The following TRPM4 variants were observed in gnomAD, a reference collection of about 807,000 sequenced individuals.
The protein encoded by TRPM4 is calcium-activated non-selective cation channel 1.
TRPM4 carries 124 observed loss-of-function variants against 135.6 expected under a neutral mutation model. The observed-to-expected ratio is 0.91, with a 90% CI of 0.79 to 1.06. The LOEUF is 1.06. Among genes scored for constraint, TRPM4 ranks in the 50% least tolerant of loss-of-function variants. The pLI, the probability that TRPM4 is intolerant of heterozygous loss-of-function variation, is 0.00. For synonymous variants in TRPM4, 745 were observed against 705.6 expected, an observed-to-expected ratio of 1.06 and a Z score of -0.88; for missense variants, 1,658 against 1,671.4, an observed-to-expected ratio of 0.99 and a Z score of 0.14.
chr19:49,158,226 G>T lies in TRPM4; in HGVS notation c.59G>T (p.Cys20Phe). 6.2e-7 allele frequency: 1 copy of T among 1,613,872 alleles called. No homozygotes were observed. Among genetic ancestry groups the T allele is most frequent in the Non-Finnish European group, 8.5e-7 (1 of 1,179,960 alleles). The change falls in exon 2 of 25, where the codon TGC (cysteine) becomes TTC (phenylalanine). Residue 20 changes from cysteine (C) to phenylalanine (F), a missense_variant. Around this residue, in one of 3 missense-constraint regions of TRPM4, gnomAD observed 239 missense variants for 240.1 expected, o/e 1.00. Transcript: ENST00000252826. ...CCCAAGATCTTCAAGAAGAAGACCT[G>T]CACGACGTTCATAGTTGACTCCACA... Reference protein sequence around the residue: ...WIPKIFKKKTCTTFIVDSTDP... With the variant: ...WIPKIFKKKTFTTFIVDSTDP...
intron 9 of TRPM4, among the ~76,000 whole-genome samples, chr19:49,174,531 A>G (rs1967600706): frequency 6.6e-6 from 1 of 151,810 alleles, no homozygotes; most frequent in Non-Finnish European, 1.5e-5. Flanking sequence ...GAGGCTGAGG[A>G]GGGAAGATCG....
rs61258103 is a variant in TRPM4, at chr19:49,182,451, C to CCCAT, written c.1264-80_1264-77dup. 29,169 of 687,382 alleles carry CCCAT rather than the reference C, an allele frequency of 0.042. 461 individuals are homozygous for CCCAT. Among genetic ancestry groups the CCCAT allele is most frequent in the East Asian group, 0.051 (1,819 of 35,982 alleles). The allele number at this position is 687,382 out of a possible 1,614,324, so 42.6% of individuals were successfully genotyped here. A position where few individuals can be genotyped will look rare whatever the true frequency, so the allele number is the denominator to read the frequency against. On this transcript the variant is annotated intron_variant, in intron 10 of 24. Transcript: ENST00000252826. The stretch of plus-strand genomic sequence containing the variant: ...ACCTATCCATTCATCCATCCATCCA[C>CCCAT]CCATCCATCCATCCATCCATCCATC...
chr19:49,208,186 G>A (rs770014611), intron 20 of TRPM4, among the ~76,000 whole-genome samples: 5 of 152,186 alleles, frequency 3.3e-5, no homozygotes, highest in Non-Finnish European at 4.4e-5. Flanking sequence ...GCTGTACAGA[G>A]TGGAACATGA....
intron 2 of TRPM4, among the ~76,000 whole-genome samples, chr19:49,164,094 T>C (rs3760666): frequency 0.31 from 46,687 of 152,066 alleles, 7,315 homozygotes; most frequent in South Asian, 0.4. Flanking sequence ...TTCTGTAAAA[T>C]TGCTCTTAAA....
rs764964013 is a variant in TRPM4 at position 49,211,475 on chromosome 19, C to CT, written c.3641-15dup. On this transcript the variant is annotated intron_variant, in intron 24 of 24. Coordinates refer to ENST00000252826, the MANE Select transcript of TRPM4 (RefSeq NM_017636.4). The surrounding 1 kb of genome is among the most constrained non-coding windows in gnomAD (Gnocchi z 4.8). Reference sequence around the variant, plus strand: ...CTTCCCTGCCAATCACCTGCTCTCTCTTTTCTCTCTTCCCCCAGACTGAGC... The same window carrying CT: ...CTTCCCTGCCAATCACCTGCTCTCTCTTTTTCTCTCTTCCCCCAGACTGAGC... The CT allele has an allele frequency of 6.2e-7, 1 of 1,614,022 alleles. No homozygotes were observed. Among genetic ancestry groups the CT allele is most frequent in the Admixed American group, 1.7e-5 (1 of 60,024 alleles).
At chr19:49,204,333 A>G (rs576502074) in intron 20 of TRPM4, among the ~76,000 whole-genome samples, 119 of 152,306 alleles carry the variant, frequency 7.8e-4, no homozygotes, top group Non-Finnish European at 1.5e-3. Context: ...GAAACCACCA[A>G]ACTGGTTTCC....
At chr19:49,204,684 C>T (rs1345656943) in intron 20 of TRPM4, among the ~76,000 whole-genome samples, 1 of 151,968 alleles carries the variant, frequency 6.6e-6, no homozygotes, top group Non-Finnish European at 1.5e-5. Flanking sequence ...TACGTGCCAC[C>T]ATACCTGGCT....
intron 16 of TRPM4, among the ~76,000 whole-genome samples, chr19:49,192,764 A>G (rs1175800): frequency 0.13 from 19,127 of 152,078 alleles, 1,947 homozygotes; most frequent in African/African-American, 0.28. Context: ...TAATCTGTAC[A>G]ACAAACCCCC....
intron 10 of TRPM4, among the ~76,000 whole-genome samples, chr19:49,182,268 C>T (rs541490968): frequency 1.3e-4 from 19 of 146,068 alleles, no homozygotes; most frequent in African/African-American, 4.9e-4. Flanking sequence ...ATCCATTCAT[C>T]TGTCCATCCA....
rs780610132 is a variant in TRPM4 at position 49,168,006 on chromosome 19, G to T, written c.357G>T (p.Val119=). The T allele has an allele frequency of 6.2e-6, 10 of 1,613,706 alleles. No homozygotes were observed. The Middle Eastern group carries it at 4.9e-4, about 80-fold the overall frequency. ...GCTTCCGTGCCCCGAACCTGGTGGT[G>T]TCAGTGCTGGGGGGATCGGGGGGCC... ...TWGFRAPNLV[V]SVLGGSGGPV... The change falls in exon 4 of 25, where the codon GTG becomes GTT. Residue 119 remains valine, a synonymous_variant. Coordinates refer to ENST00000252826, the MANE Select transcript of TRPM4 (RefSeq NM_017636.4).
intron 12 of TRPM4, among the ~76,000 whole-genome samples, chr19:49,187,195 G>GTTT (rs574534855): frequency 1.1e-4 from 16 of 142,124 alleles, no homozygotes; most frequent in Admixed American, 4.9e-4. Flanking sequence ...GCATTTTCTT[G>GTTT]TTTTTTTTTT....
chr19:49,186,901 C>A (rs572229244), intron 12 of TRPM4, among the ~76,000 whole-genome samples: 1 of 151,516 alleles, frequency 6.6e-6, no homozygotes, highest in Admixed American at 6.6e-5. Context: ...TTTTAACACA[C>A]ACTGCCTGGA....
At position 49,158,349 on chromosome 19, in the gene TRPM4, C is replaced by T. The variant is rs376390703; in HGVS notation, c.92+90C>T. On this transcript the variant is annotated intron_variant, in intron 2 of 24. Transcript: ENST00000252826. ...GTCACGCCCCAGCCCTGCTCCTTCC[C>T]CATTCCTGGACTCGGGGACCTTCCC... The T allele has an allele frequency of 2.1e-4, 254 of 1,223,288 alleles. 1 individual carries two copies. The highest frequency in any genetic ancestry group is 2.1e-3 in the Middle Eastern group (11 of 5,330). 75.8% of individuals were successfully genotyped at this position (1,223,288 alleles called of 1,614,324 possible). A position where few individuals can be genotyped will look rare whatever the true frequency, so the allele number is the denominator to read the frequency against.
intron 9 of TRPM4, among the ~76,000 whole-genome samples, chr19:49,174,354 T>C (rs994834748): frequency 5.9e-5 from 9 of 152,010 alleles, no homozygotes; most frequent in African/African-American, 1.9e-4. Flanking sequence ...TGTTTCACCA[T>C]GTTGGTCAGG....
At chr19:49,191,591 C>T (rs1222382705) in intron 16 of TRPM4, among the ~76,000 whole-genome samples, 7 of 152,054 alleles carry the variant, frequency 4.6e-5, no homozygotes, top group Non-Finnish European at 1.0e-4. Flanking sequence ...TCTCCGCCTC[C>T]TGGGTTCAAG....
Position 49,211,300 on chromosome 19 carries a change from CAG to C in TRPM4, c.3640+32_3640+33del. On this transcript the variant is annotated intron_variant, in intron 24 of 24. Coordinates refer to ENST00000252826, the MANE Select transcript of TRPM4 (RefSeq NM_017636.4). This position sits in a 1 kb window ranked among gnomAD's most constrained non-coding sequence, Gnocchi z 4.8. ...TGTGTAGCATCAGCCTGTGCATCTC[CAG>C]CCTCTGTTCCTGTATTTTTGCGTGT... The C allele has an allele frequency of 6.4e-7, 1 of 1,574,736 alleles. No individual in the cohort carries two copies. Among genetic ancestry groups the C allele is most frequent in the Non-Finnish European group, 8.6e-7 (1 of 1,159,134 alleles).
Position 49,196,745 on chromosome 19 carries a change from G to T in TRPM4, c.2516G>T (p.Ser839Ile). The change falls in exon 17 of 25, where the codon AGC becomes ATC. Residue 839 changes from serine to isoleucine, a missense_variant. Around this residue, in one of 3 missense-constraint regions of TRPM4, gnomAD observed 1,412 missense variants for 1,408.7 expected, o/e 1.00. Coordinates refer to ENST00000252826, the MANE Select transcript of TRPM4 (RefSeq NM_017636.4). The part of the protein sequence containing the change: ...LRQGLSGGGG[S>I]LASGGPGPGH... ...CAGGGCCTGAGCGGAGGCGGGGGCA[G>T]CCTCGCCAGCGGGGGCCCCGGGCCT... 1 of 1,548,882 alleles carries T rather than the reference G, an allele frequency of 6.5e-7. No homozygotes were observed.
At chr19:49,175,067 C>CTTTTTTTTTTTTTTTTTTTTTTTTTTTT (rs772062913) in intron 9 of TRPM4, among the ~76,000 whole-genome samples, 8 of 77,582 alleles carry the variant, frequency 1.0e-4, no homozygotes, top group Admixed American at 1.5e-4. Context: ...TCATGCCTGG[C>CTTTTTTTTTTTTTTTTTTTTTTTTTTTT]TTTTTTTTTT....
intron 11 of TRPM4, 68 bp downstream of exon 11, chr19:49,182,990 G>A: frequency 6.3e-7 from 1 of 1,597,600 alleles, no homozygotes; most frequent in Non-Finnish European, 8.5e-7. Context: ...TTACATCAGG[G>A]ATGGGGCGTG....
Sources: gnomAD v4.1 joint callset for allele counts (sites outside exome capture counted in the v4.1 genomes callset) on GRCh38, gnomAD v4.1.1 for gene constraint, gnomAD v4.1.1 regional missense constraint, Gnocchi (gnomAD v3.1) non-coding constraint, MANE v1.5 for transcripts, NCBI Gene and HGNC (gene_info 2026-07-23, HGNC 2026-07-21) for gene names.